Variants in CNTNAP2 observed in about 807,000 individuals in gnomAD.
The protein encoded by CNTNAP2 is contactin associated protein 2, also known as contactin-associated protein-like 2.
In CNTNAP2, 98 loss-of-function variants were observed where a neutral mutation model predicts 155.2. The observed-to-expected ratio is 0.63, with a 90% CI of 0.54 to 0.75. The LOEUF (loss-of-function observed/expected upper bound fraction) is 0.75, where lower values mean the gene tolerates loss of function less well. CNTNAP2 is among the 30% of genes least tolerant of loss of function. CNTNAP2 has a pLI of 0.00. For missense variants in CNTNAP2, 1,727 were observed against 1,688.1 expected (o/e 1.02, Z -0.40); for synonymous variants, 651 against 631.2 (o/e 1.03, Z -0.47).
At chr7:146,981,425 A>G (rs1045804477) in intron 3 of CNTNAP2, among the ~76,000 whole-genome samples, 53 of 152,214 alleles carry the variant, frequency 3.5e-4, no homozygotes, top group Non-Finnish European at 2.4e-4. Flanking sequence ...CATTTTCAGA[A>G]TAAACTTGCA....
chr7:146,700,421 A>G (rs1800856257), intron 1 of CNTNAP2, among the ~76,000 whole-genome samples: 1 of 152,164 alleles, frequency 6.6e-6, no homozygotes, highest in South Asian at 2.1e-4. Flanking sequence ...AAAGTCAGAT[A>G]AGACTAATCT....
At chr7:146,785,588 T>C (rs2129187939) in intron 2 of CNTNAP2, among the ~76,000 whole-genome samples, 1 of 152,360 alleles carries the variant, frequency 6.6e-6, no homozygotes, top group Admixed American at 6.5e-5. Flanking sequence ...GGTACTTTTC[T>C]TGTTCCAAAA....
intron 1 of CNTNAP2, among the ~76,000 whole-genome samples, chr7:146,450,184 C>T (rs1177158250): frequency 1.3e-5 from 2 of 152,122 alleles, no homozygotes; most frequent in African/African-American, 4.8e-5. Flanking sequence ...ATAACATGAA[C>T]TTTGAGCTAT....
At chr7:147,478,592 T>C (rs1422007570) in intron 10 of CNTNAP2, among the ~76,000 whole-genome samples, 1 of 152,176 alleles carries the variant, frequency 6.6e-6, no homozygotes, top group Non-Finnish European at 1.5e-5. Flanking sequence ...ATATTTTCCT[T>C]TCATTCACTG....
At chr7:147,574,116 T>C (rs1800344696) in intron 12 of CNTNAP2, among the ~76,000 whole-genome samples, 1 of 152,314 alleles carries the variant, frequency 6.6e-6, no homozygotes, top group South Asian at 2.1e-4. Flanking sequence ...TCTAGAATGC[T>C]TTTCATTGTG....
chr7:147,624,508 G>T (rs1300854795), intron 12 of CNTNAP2, among the ~76,000 whole-genome samples: 2 of 152,076 alleles, frequency 1.3e-5, no homozygotes, highest in African/African-American at 2.4e-5. Flanking sequence ...ATGTGAAAAA[G>T]TGCTAGACAT....
intron 12 of CNTNAP2, among the ~76,000 whole-genome samples, chr7:147,611,166 A>C (rs1801177737): frequency 6.6e-6 from 1 of 152,118 alleles, no homozygotes; most frequent in South Asian, 2.1e-4. Flanking sequence ...CGTTCTCTTT[A>C]AGGTTCCTCA....
At chr7:147,494,471 A>AG (rs1177121650) in intron 11 of CNTNAP2, among the ~76,000 whole-genome samples, 1 of 105,748 alleles carries the variant, frequency 9.5e-6, no homozygotes, top group Non-Finnish European at 2.5e-5. Flanking sequence ...GTCTTGGCAA[A>AG]AAAAAAAAAA....
At chr7:147,034,349 GGGGTGT>G (rs1432617549) in intron 3 of CNTNAP2, among the ~76,000 whole-genome samples, 1 of 152,214 alleles carries the variant, frequency 6.6e-6, no homozygotes, top group African/African-American at 2.4e-5. Context: ...GCAAGTGATA[GGGGTGT>G]GGCTCACTTC....
At chr7:146,929,818 C>G (rs555172129) in intron 3 of CNTNAP2, among the ~76,000 whole-genome samples, 3 of 152,042 alleles carry the variant, frequency 2.0e-5, no homozygotes, top group African/African-American at 7.2e-5. Context: ...CCAATGCGAT[C>G]AACCGGAAGA....
At chr7:147,267,541 C>T (rs1804640609) in intron 8 of CNTNAP2, among the ~76,000 whole-genome samples, 1 of 128,968 alleles carries the variant, frequency 7.8e-6, no homozygotes, top group Non-Finnish European at 1.6e-5. Flanking sequence ...TCCTATTATG[C>T]CAACCAAGGT....
At chr7:146,372,611 G>A (rs1472600911) in intron 1 of CNTNAP2, among the ~76,000 whole-genome samples, 1 of 148,966 alleles carries the variant, frequency 6.7e-6, no homozygotes, top group Non-Finnish European at 1.5e-5. Flanking sequence ...CTTCAAAGAG[G>A]CGAGTAAGAG....
intron 1 of CNTNAP2, among the ~76,000 whole-genome samples, chr7:146,397,168 C>T (rs546733043): frequency 6.6e-6 from 1 of 152,150 alleles, no homozygotes; most frequent in Non-Finnish European, 1.5e-5. Flanking sequence ...GCTTTAATAA[C>T]ATTGTAAACT....
intron 13 of CNTNAP2, among the ~76,000 whole-genome samples, chr7:147,794,103 A>C (rs1797857875): frequency 6.6e-6 from 1 of 151,974 alleles, no homozygotes; most frequent in Admixed American, 6.6e-5. Context: ...TCTTTAGATA[A>C]ATAATTTTAA....
At position 147,225,762 on chromosome 7, in the gene CNTNAP2, G is replaced by T. The variant is rs889375053; in HGVS notation, c.1349-74379G>T. 4.8e-4 allele frequency among the ~76,000 whole-genome samples: 58 copies of T among 119,660 alleles called. 1 individual carries two copies. Among genetic ancestry groups the T allele is most frequent in the African/African-American group, 2.1e-3 (57 of 27,684 alleles). The allele number at this position is 119,660 out of a possible 152,430, so 78.5% of individuals were successfully genotyped here. A position where few individuals can be genotyped will look rare whatever the true frequency, so the allele number is the denominator to read the frequency against. ...AGGAAAGAAGGAAGGAAGGAAGGAA[G>T]GAAGGAAGGAAGGAAGGAAGGAAGG... is the stretch of plus-strand genomic sequence containing the variant. On this transcript the variant is annotated intron_variant, in intron 8 of 23. Transcript: ENST00000361727.
chr7:146,697,971 GA>G (rs1800810424), intron 1 of CNTNAP2, among the ~76,000 whole-genome samples: 1 of 151,816 alleles, frequency 6.6e-6, no homozygotes, highest in Non-Finnish European at 1.5e-5. Context: ...CCTGTTTTTA[GA>G]GATTACCTTA....
intron 3 of CNTNAP2, among the ~76,000 whole-genome samples, chr7:147,020,756 A>G (rs1329647438): frequency 6.6e-6 from 1 of 152,186 alleles, no homozygotes; most frequent in African/African-American, 2.4e-5. Context: ...AAAATATATC[A>G]GGGGCTTGGA....
At chr7:146,484,842 C>T (rs1439644011) in intron 1 of CNTNAP2, among the ~76,000 whole-genome samples, 1 of 152,136 alleles carries the variant, frequency 6.6e-6, no homozygotes, top group Non-Finnish European at 1.5e-5. Flanking sequence ...CGTCTTTCCT[C>T]CAACCCTTAC....
At chr7:147,181,824 A>G (rs1169929601) in intron 8 of CNTNAP2, among the ~76,000 whole-genome samples, 2 of 152,180 alleles carry the variant, frequency 1.3e-5, no homozygotes, top group Admixed American at 6.5e-5. Flanking sequence ...CTGAAGCCAT[A>G]TATGGTCAAG....
Sources: gnomAD v4.1 joint callset for allele counts (sites outside exome capture counted in the v4.1 genomes callset) on GRCh38, gnomAD v4.1.1 for gene constraint, MANE v1.5 for transcripts, NCBI Gene and HGNC (gene_info 2026-07-23, HGNC 2026-07-21) for gene names.